The following TPH2 variants were observed in gnomAD, a reference collection of about 807,000 sequenced individuals.
TPH2 encodes tryptophan hydroxylase 2.
In TPH2, 27 loss-of-function variants were observed where a neutral mutation model predicts 59.1. The observed-to-expected ratio is 0.46, with a 90% CI of 0.34 to 0.63. The LOEUF (loss-of-function observed/expected upper bound fraction) is 0.63, where lower values mean the gene tolerates loss of function less well. TPH2 is among the 30% of genes least tolerant of loss of function. TPH2 has a pLI of 0.01. For synonymous variants in TPH2, 220 were observed against 210.5 expected (o/e 1.05, Z -0.39); for missense variants, 523 against 588.3 (o/e 0.89, Z 1.15).
intron 8 of TPH2, among the ~76,000 whole-genome samples, chr12:72,001,929 T>C (rs1872833706): frequency 6.6e-6 from 1 of 152,130 alleles, no homozygotes; most frequent in South Asian, 2.1e-4. Context: ...ACTTGGGAAT[T>C]GTTGGTCAAA....
intron 8 of TPH2, among the ~76,000 whole-genome samples, chr12:72,003,304 G>T (rs1317915994): frequency 1.3e-5 from 2 of 152,160 alleles, no homozygotes; most frequent in African/African-American, 4.8e-5. Context: ...GCTGACAAAG[G>T]GCTGGGGGGA....
In TPH2 at chr12:71,994,451, T is replaced by G; in HGVS notation, c.954T>G (p.His318Gln). The stretch of plus-strand genomic sequence containing the variant: ...TCTTTTTTGTCAGAGACACATGCCA[T>G]GAACTCTTGGGACATGTTCCACTAC... ...PLYTPEPDTC[H>Q]ELLGHVPLLA... The change falls in exon 8 of 11, where the codon CAT becomes CAG. Residue 318 changes from histidine to glutamine, a missense_variant. Transcript: ENST00000333850. The G allele has an allele frequency of 6.2e-7, 1 of 1,613,980 alleles. No individual in the cohort carries two copies. The highest frequency in any genetic ancestry group is 8.5e-7 in the Non-Finnish European group (1 of 1,179,840).
chr12:71,962,716 TTTTTG>T (rs545339611), intron 5 of TPH2: 3 of 969,880 alleles, frequency 3.1e-6, no homozygotes, highest in African/African-American at 1.8e-5. Context: ...AAATATTATT[TTTTTG>T]TTTTGTTTTG....
chr12:72,021,387 GTGTGTGTGTA>G (rs1292770042), intron 8 of TPH2, among the ~76,000 whole-genome samples: 18 of 102,892 alleles, frequency 1.7e-4, no homozygotes, highest in African/African-American at 4.2e-4. Flanking sequence ...GTGTGTGTGT[GTGTGTGTGTA>G]TGTGTGTATA....
intron 8 of TPH2, among the ~76,000 whole-genome samples, chr12:72,000,393 C>T (rs1872792790): frequency 6.6e-6 from 1 of 152,154 alleles, no homozygotes; most frequent in African/African-American, 2.4e-5. Context: ...GATTATATCC[C>T]CTTGATCAGT....
intron 7 of TPH2, among the ~76,000 whole-genome samples, chr12:71,985,207 T>A (rs1320372902): frequency 6.6e-6 from 1 of 152,344 alleles, no homozygotes; most frequent in East Asian, 1.9e-4. Flanking sequence ...AGCTGGTAAG[T>A]ACGTGAGTCA....
At chr12:71,975,774 G>T (rs1872101109) in intron 6 of TPH2, among the ~76,000 whole-genome samples, 1 of 152,186 alleles carries the variant, frequency 6.6e-6, no homozygotes, top group Non-Finnish European at 1.5e-5. Flanking sequence ...GAGGAAAAGA[G>T]ATTGAGAACT....
intron 7 of TPH2, among the ~76,000 whole-genome samples, chr12:71,991,404 C>T (rs948304757): frequency 6.6e-6 from 1 of 152,200 alleles, no homozygotes; most frequent in Non-Finnish European, 1.5e-5. Flanking sequence ...CAGTGCCTGG[C>T]TCATAGTAAG....
At chr12:72,023,700 G>T (rs1873486721) in intron 9 of TPH2, among the ~76,000 whole-genome samples, 1 of 151,490 alleles carries the variant, frequency 6.6e-6, no homozygotes, top group Admixed American at 6.6e-5. Flanking sequence ...ATGATGGCGG[G>T]TACCTGTAAT....
chr12:71,967,913 T>C (rs1427651089), intron 5 of TPH2, among the ~76,000 whole-genome samples: 1 of 152,222 alleles, frequency 6.6e-6, no homozygotes, highest in Admixed American at 6.5e-5. Context: ...TCAAAGTGTA[T>C]CCTCCCTCTC....
chr12:71,973,972 T>A (rs1592393807), intron 6 of TPH2, among the ~76,000 whole-genome samples: 1 of 151,760 alleles, frequency 6.6e-6, no homozygotes, highest in African/African-American at 2.4e-5. Flanking sequence ...TTGTGAGGGG[T>A]TGGGGGAAGA....
At chr12:71,992,999 C>T (rs1872615502) in intron 7 of TPH2, among the ~76,000 whole-genome samples, 1 of 152,194 alleles carries the variant, frequency 6.6e-6, no homozygotes, top group South Asian at 2.1e-4. Context: ...CAGTTCAGTT[C>T]ATGTACCAAA....
At chr12:72,010,268 G>C (rs926360388) in intron 8 of TPH2, among the ~76,000 whole-genome samples, 1 of 152,296 alleles carries the variant, frequency 6.6e-6, no homozygotes, top group South Asian at 2.1e-4. Context: ...GTCTGGTGGA[G>C]TGCAGGCTTC....
intron 8 of TPH2, among the ~76,000 whole-genome samples, chr12:72,002,594 A>G (rs1872853594): frequency 6.6e-6 from 1 of 152,152 alleles, no homozygotes; most frequent in Non-Finnish European, 1.5e-5. Context: ...AAGGAAGAAA[A>G]TACATTATAC....
At chr12:71,984,229 T>G (rs756842479) in intron 7 of TPH2, among the ~76,000 whole-genome samples, 1 of 152,238 alleles carries the variant, frequency 6.6e-6, no homozygotes, top group Non-Finnish European at 1.5e-5. Flanking sequence ...TAAATATAAC[T>G]GTTTAAAGGC....
chr12:71,988,770 C>T (rs1872510309), intron 7 of TPH2, among the ~76,000 whole-genome samples: 1 of 152,106 alleles, frequency 6.6e-6, no homozygotes, highest in Non-Finnish European at 1.5e-5. Context: ...TTTCTGTGGT[C>T]CCTCTAAGAA....
chr12:71,979,615 TTC>T (rs1323282350), intron 7 of TPH2, among the ~76,000 whole-genome samples: 2 of 152,232 alleles, frequency 1.3e-5, no homozygotes, highest in Admixed American at 1.3e-4. Context: ...TTTGTGATTC[TTC>T]TCTGATTCTG....
At chr12:71,975,472 C>T (rs1019154758) in intron 6 of TPH2, among the ~76,000 whole-genome samples, 13 of 152,176 alleles carry the variant, frequency 8.5e-5, no homozygotes, top group African/African-American at 3.1e-4. Flanking sequence ...CAAGTCTGAA[C>T]AGCTCAGCCT....
chr12:71,981,349 A>G (rs1022546826), intron 7 of TPH2, among the ~76,000 whole-genome samples: 1 of 152,242 alleles, frequency 6.6e-6, no homozygotes, highest in African/African-American at 2.4e-5. Flanking sequence ...TTCTGTAGGC[A>G]ACAGGGAGCT....
Sources: gnomAD v4.1 joint callset for allele counts (sites outside exome capture counted in the v4.1 genomes callset) on GRCh38, gnomAD v4.1.1 for gene constraint, MANE v1.5 for transcripts, NCBI Gene and HGNC (gene_info 2026-07-23, HGNC 2026-07-21) for gene names.